NUDCD3: variants seen among roughly 807,000 people sequenced by gnomAD.
The protein encoded by NUDCD3 is NudC domain containing 3, also known as nudC domain-containing protein 3.
In NUDCD3, 13 loss-of-function variants were observed where a neutral mutation model predicts 39.7. The observed-to-expected ratio is 0.33, with a 90% CI of 0.21 to 0.52. The LOEUF (loss-of-function observed/expected upper bound fraction) is 0.52. NUDCD3 is among the 20% of genes least tolerant of loss of function. The pLI is 0.96. For missense variants in NUDCD3, 453 were observed against 458.1 expected, an observed-to-expected ratio of 0.99 and a Z score of 0.10; for synonymous variants, 175 against 172.4, an observed-to-expected ratio of 1.02 and a Z score of -0.12.
At chr7:44,444,402 T>C (rs1563179185) in intron 2 of NUDCD3, among the ~76,000 whole-genome samples, 1 of 151,590 alleles carries the variant, frequency 6.6e-6, no homozygotes, top group Non-Finnish European at 1.5e-5. Flanking sequence ...CAGGGGAAGG[T>C]GGATGTAAAG....
At position 44,439,320 on chromosome 7, in the gene NUDCD3, T is replaced by A. The variant is rs922450938; in HGVS notation, c.510-11617A>T. Among the ~76,000 whole-genome samples the A allele has an allele frequency of 7.2e-5, 11 of 152,212 alleles. No homozygotes were observed. The South Asian group carries it at 1.9e-3, about 26-fold the overall frequency. ...ATGCAGGTGACAGCTCATGTTTAGT[T>A]CCTATACATCCAGGTAGAGAGGTAA... is the stretch of plus-strand genomic sequence containing the variant. On this transcript the variant is annotated intron_variant, in intron 2 of 5. Coordinates refer to ENST00000355451, the MANE Select transcript of NUDCD3 (RefSeq NM_015332.4).
intron 3 of NUDCD3, among the ~76,000 whole-genome samples, chr7:44,414,152 A>G (rs1563169609): frequency 6.6e-6 from 1 of 152,280 alleles, no homozygotes; most frequent in Non-Finnish European, 1.5e-5. Flanking sequence ...AAGTTTATTA[A>G]AGGGCATTGT....
At chr7:44,423,769 C>T (rs1585069026) in intron 3 of NUDCD3, among the ~76,000 whole-genome samples, 1 of 152,174 alleles carries the variant, frequency 6.6e-6, no homozygotes, top group South Asian at 2.1e-4. Context: ...CATTGACTTT[C>T]TTCACAGAAC....
chr7:44,462,391 T>C (rs13243805), intron 2 of NUDCD3, among the ~76,000 whole-genome samples: 1 of 152,154 alleles, frequency 6.6e-6, no homozygotes, highest in African/African-American at 2.4e-5. Flanking sequence ...AACCACATAA[T>C]TACCCAGAAA....
At chr7:44,419,551 T>C (rs142800422) in intron 3 of NUDCD3, among the ~76,000 whole-genome samples, 1 of 152,136 alleles carries the variant, frequency 6.6e-6, no homozygotes, top group East Asian at 1.9e-4. Flanking sequence ...ACCTCCTGAG[T>C]GGGAAAGATC....
intron 3 of NUDCD3, among the ~76,000 whole-genome samples, chr7:44,405,281 G>T (rs1349665646): frequency 6.6e-6 from 1 of 152,262 alleles, no homozygotes; most frequent in Non-Finnish European, 1.5e-5. Flanking sequence ...CCTAGGCAGA[G>T]ACTGGCCCCA....
chr7:44,474,582 G>A (rs1800324480), intron 2 of NUDCD3, among the ~76,000 whole-genome samples: 1 of 151,994 alleles, frequency 6.6e-6, no homozygotes, highest in South Asian at 2.1e-4. Context: ...CATGCTCCCT[G>A]AACCCATCCA....
chr7:44,442,907 T>A (rs905348162), intron 2 of NUDCD3, among the ~76,000 whole-genome samples: 1 of 152,134 alleles, frequency 6.6e-6, no homozygotes, highest in African/African-American at 2.4e-5. Context: ...TTTCACCGTA[T>A]TAGCCAGGAT....
chr7:44,400,265 T>TGGGA (rs1277919252), intron 4 of NUDCD3, among the ~76,000 whole-genome samples: 15 of 144,248 alleles, frequency 1.0e-4, no homozygotes, highest in African/African-American at 1.5e-4. Context: ...TTCTGAAGTG[T>TGGGA]GGGAGGGAGG....
intron 5 of NUDCD3, among the ~76,000 whole-genome samples, chr7:44,388,308 C>T (rs1425881915): frequency 2.6e-5 from 4 of 152,230 alleles, no homozygotes; most frequent in Admixed American, 1.3e-4. Context: ...ACTCTCTCTC[C>T]TTAGCGAAGC....
At chr7:44,432,631 C>A (rs952749812) in intron 2 of NUDCD3, among the ~76,000 whole-genome samples, 1 of 152,216 alleles carries the variant, frequency 6.6e-6, no homozygotes, top group Non-Finnish European at 1.5e-5. Flanking sequence ...GTTTGTCAAC[C>A]CCCTCTCCAC....
chr7:44,441,922 C>T (rs1366345054), intron 2 of NUDCD3, among the ~76,000 whole-genome samples: 8 of 152,154 alleles, frequency 5.3e-5, no homozygotes, highest in Non-Finnish European at 1.0e-4. Context: ...CAGTGTCCCA[C>T]ACAAACTCCT....
intron 2 of NUDCD3, among the ~76,000 whole-genome samples, chr7:44,458,050 C>T (rs1239572707): frequency 6.6e-6 from 1 of 152,162 alleles, no homozygotes; most frequent in Non-Finnish European, 1.5e-5. Flanking sequence ...AGCACTATTC[C>T]TCATAATAGC....
chr7:44,408,336 G>A (rs997866329), intron 3 of NUDCD3, among the ~76,000 whole-genome samples: 1 of 152,106 alleles, frequency 6.6e-6, no homozygotes, highest in African/African-American at 2.4e-5. Flanking sequence ...ATCTATAAAC[G>A]CAGGAAGAAA....
chr7:44,422,222 A>G (rs1799153714), intron 3 of NUDCD3, among the ~76,000 whole-genome samples: 1 of 152,344 alleles, frequency 6.6e-6, no homozygotes, highest in Middle Eastern at 3.4e-3. Context: ...CATTGCAATT[A>G]AAAGAACTAG....
intron 4 of NUDCD3, among the ~76,000 whole-genome samples, chr7:44,402,144 G>A (rs751654509): frequency 1.3e-5 from 2 of 152,190 alleles, no homozygotes; most frequent in East Asian, 1.9e-4. Context: ...GCAGGCATGG[G>A]TTTGAGGTCT....
intron 3 of NUDCD3, among the ~76,000 whole-genome samples, chr7:44,422,742 T>C (rs1486688422): frequency 6.6e-6 from 1 of 152,168 alleles, no homozygotes; most frequent in Non-Finnish European, 1.5e-5. Context: ...TCTGAAACTA[T>C]TCCAAACAAT....
chr7:44,386,437 T>C (rs1216343721), intron 5 of NUDCD3, among the ~76,000 whole-genome samples: 1 of 152,186 alleles, frequency 6.6e-6, no homozygotes, highest in Non-Finnish European at 1.5e-5. Context: ...TCTGTCCAAA[T>C]TCCAAACACC....
intron 2 of NUDCD3, among the ~76,000 whole-genome samples, chr7:44,438,068 G>A (rs937721390): frequency 1.3e-5 from 2 of 151,940 alleles, no homozygotes; most frequent in South Asian, 4.2e-4. Flanking sequence ...TAAGAATTCT[G>A]AACTAAGCTG....
Sources: gnomAD v4.1 joint callset for allele counts (sites outside exome capture counted in the v4.1 genomes callset) on GRCh38, gnomAD v4.1.1 for gene constraint, MANE v1.5 for transcripts, NCBI Gene and HGNC (gene_info 2026-07-23, HGNC 2026-07-21) for gene names.